Variants in RASSF5 observed in about 807,000 individuals in gnomAD.
The protein encoded by RASSF5 is ras association domain-containing protein 5.
Under a neutral mutation model 40.5 loss-of-function variants are expected in RASSF5, and 25 were observed. That is an observed-to-expected ratio of 0.62 (90% CI 0.45 to 0.86). RASSF5 has a LOEUF of 0.86. RASSF5 is among the 40% of genes least tolerant of loss of function. The pLI, the probability that RASSF5 is intolerant of heterozygous loss-of-function variation, is 0.00. For missense variants in RASSF5, 521 were observed against 572.8 expected, an observed-to-expected ratio of 0.91 and a Z score of 0.92; for synonymous variants, 246 against 252.4, an observed-to-expected ratio of 0.97 and a Z score of 0.24.
At chr1:206,567,675 A>G (rs777931752) in intron 2 of RASSF5, among the ~76,000 whole-genome samples, 4 of 152,106 alleles carry the variant, frequency 2.6e-5, no homozygotes, top group African/African-American at 9.7e-5. Flanking sequence ...TGAGAAACAC[A>G]GTTGCCAGAG....
chr1:206,552,989 G>T lies in RASSF5; in HGVS notation c.579+14696G>T, dbSNP rs1173826942. Among the ~76,000 whole-genome samples, 1 of 152,108 alleles carries T rather than the reference G, an allele frequency of 6.6e-6. No homozygotes were observed. The highest frequency in any genetic ancestry group is 1.5e-5 in the Non-Finnish European group (1 of 68,012). On this transcript the variant is annotated intron_variant, in intron 2 of 5. Transcript: ENST00000579436. This position sits in a 1 kb window ranked among gnomAD's most constrained non-coding sequence, Gnocchi z 4.1. The stretch of plus-strand genomic sequence containing the variant: ...GAGGCCGAGGCAGGCAGATCACGAG[G>T]TCAGGAGATCGAGACCATCCTGGAT...
rs1275467654 is a variant in RASSF5, at chr1:206,584,799, G to A, written c.988+115G>A. On this transcript the variant is annotated intron_variant, in intron 4 of 5. Coordinates refer to ENST00000579436, the MANE Select transcript of RASSF5 (RefSeq NM_182663.4). This position sits in a 1 kb window ranked among gnomAD's most constrained non-coding sequence, Gnocchi z 4.9. ...GCTGTGGGCTTCTCCTGAGCACCAG[G>A]GGTCCAGCTGCCCATGTGGTGTTCA... 2.3e-5 allele frequency: 25 copies of A among 1,095,136 alleles called. No individual in the cohort carries two copies. The highest frequency in any genetic ancestry group is 3.3e-5 in the Non-Finnish European group (25 of 753,690). 67.8% of individuals were successfully genotyped at this position (1,095,136 alleles called of 1,614,324 possible).
Position 206,584,235 on chromosome 1 carries a change from C to A in RASSF5, c.691-152C>A. On this transcript the variant is annotated intron_variant, in intron 3 of 5. Coordinates refer to ENST00000579436, the MANE Select transcript of RASSF5 (RefSeq NM_182663.4). This position sits in a 1 kb window ranked among gnomAD's most constrained non-coding sequence, Gnocchi z 4.9. The stretch of plus-strand genomic sequence containing the variant: ...CCCAGCCCACTATGGGGAAAGGGAT[C>A]TCTGCTCCTTCCTCCAGCTCTCCCA... 1.4e-6 allele frequency: 1 copy of A among 731,278 alleles called. No individual in the cohort carries two copies. Among genetic ancestry groups the A allele is most frequent in the Non-Finnish European group, 2.2e-6 (1 of 452,290 alleles). The allele number at this position is 731,278 out of a possible 1,614,324, so 45.3% of individuals were successfully genotyped here.
chr1:206,515,324 G>A (rs1018200423), intron 1 of RASSF5, among the ~76,000 whole-genome samples: 3 of 152,186 alleles, frequency 2.0e-5, no homozygotes, highest in Non-Finnish European at 1.5e-5. Context: ...CAAATCATGA[G>A]ATCTTTAGAA....
intron 2 of RASSF5, among the ~76,000 whole-genome samples, chr1:206,574,891 G>A (rs946796576): frequency 7.8e-5 from 10 of 128,516 alleles, no homozygotes; most frequent in South Asian, 4.9e-4. Flanking sequence ...ATGGAGTCTC[G>A]CTCTGTCATC....
At chr1:206,580,285 G>C (rs1668818641) in intron 2 of RASSF5, among the ~76,000 whole-genome samples, 1 of 152,234 alleles carries the variant, frequency 6.6e-6, no homozygotes, top group Non-Finnish European at 1.5e-5. Flanking sequence ...TTCTTACGGG[G>C]AAATGGCTCT....
intron 2 of RASSF5, among the ~76,000 whole-genome samples, chr1:206,581,902 C>T (rs1256042736): frequency 2.6e-5 from 4 of 152,004 alleles, no homozygotes; most frequent in African/African-American, 4.8e-5. Flanking sequence ...TGTTGTGTTC[C>T]GCGGGGTGGT....
intron 2 of RASSF5, chr1:206,557,730 G>A: frequency 6.2e-7 from 1 of 1,606,352 alleles, no homozygotes; most frequent in South Asian, 1.1e-5. Flanking sequence ...CCTTTCGTGG[G>A]GGGAAATAAC....
At chr1:206,572,216 G>A (rs1411717374) in intron 2 of RASSF5, among the ~76,000 whole-genome samples, 23 of 152,120 alleles carry the variant, frequency 1.5e-4, no homozygotes, top group African/African-American at 9.7e-5. Context: ...TTTCTTCAAC[G>A]CATGAAGCCA....
At chr1:206,585,511 G>T in intron 5 of RASSF5, 1 of 418,186 alleles carries the variant, frequency 2.4e-6, no homozygotes, top group Admixed American at 3.8e-5. Context: ...GCCTGTGTGT[G>T]GCAAGGCCTG....
intron 1 of RASSF5, among the ~76,000 whole-genome samples, chr1:206,523,559 C>G (rs1432230785): frequency 3.1e-5 from 3 of 96,770 alleles, no homozygotes. Context: ...TATATACACT[C>G]TAGCCTGGGT....
chr1:206,556,121 G>A (rs1021621052), intron 2 of RASSF5, among the ~76,000 whole-genome samples: 5 of 152,244 alleles, frequency 3.3e-5, no homozygotes, highest in Non-Finnish European at 5.9e-5. Flanking sequence ...TCTGAAGGCA[G>A]TTTCCCTGCC....
chr1:206,538,230 G>T lies in RASSF5; in HGVS notation c.516G>T (p.Gln172His), dbSNP rs1553398926. Residue 172 changes from glutamine (Q) to histidine (H), a missense_variant, in exon 2 of 6, where the codon CAG becomes CAT. Coordinates refer to ENST00000579436, the MANE Select transcript of RASSF5 (RefSeq NM_182663.4). ...CRSLIQLDCS[Q>H]QEGLSRDRPS... The stretch of plus-strand genomic sequence containing the variant: ...GCCTGATCCAGTTGGACTGCAGTCA[G>T]CAGGAGGGTTTATCCCGGGACAGAC... 1 of 1,614,202 alleles carries T rather than the reference G, an allele frequency of 6.2e-7. No homozygotes were observed. The highest frequency in any genetic ancestry group is 1.3e-5 in the African/African-American group (1 of 75,054).
At chr1:206,542,188 C>G (rs1174081254) in intron 2 of RASSF5, 1 of 152,114 alleles carries the variant, frequency 6.6e-6, no homozygotes, top group African/African-American at 2.4e-5. Context: ...GATGTGTGTC[C>G]CCTCCAAATC....
At chr1:206,553,906 T>C (rs562752444) in intron 2 of RASSF5, among the ~76,000 whole-genome samples, 31 of 152,346 alleles carry the variant, frequency 2.0e-4, no homozygotes, top group African/African-American at 6.7e-4. Context: ...CCCAGCGGAA[T>C]TGATATCTGG....
chr1:206,545,306 C>A (rs1667652488), intron 2 of RASSF5, among the ~76,000 whole-genome samples: 1 of 149,958 alleles, frequency 6.7e-6, no homozygotes, highest in Non-Finnish European at 1.5e-5. Context: ...TATTTTGAAG[C>A]TCCATTATTA....
Position 206,569,902 on chromosome 1 carries a change from G to A in RASSF5, c.580-13367G>A, listed in dbSNP as rs73080955. Among the ~76,000 whole-genome samples, 862 of 152,212 alleles carry A rather than the reference G, an allele frequency of 5.7e-3. 11 individuals carry two copies. The highest frequency in any genetic ancestry group is 0.019 in the African/African-American group (796 of 41,508). On this transcript the variant is annotated intron_variant, in intron 2 of 5. Transcript: ENST00000579436. ...AGAGCCTGGTCTTGGAGGGCTTGGC[G>A]TGATGGAGGCCCAGTTGCTTAGATG...
At chr1:206,557,196 C>CGGGAGGCGG in intron 2 of RASSF5, 1 of 1,036,854 alleles carries the variant, frequency 9.6e-7, no homozygotes, top group Non-Finnish European at 1.2e-6. Context: ...AGGAAAGGCG[C>CGGGAGGCGG]GGGAGGCGGG....
chr1:206,549,681 G>GT (rs1558509002), intron 2 of RASSF5, among the ~76,000 whole-genome samples: 1 of 152,112 alleles, frequency 6.6e-6, no homozygotes, highest in African/African-American at 2.4e-5. Context: ...CCTTTTTAAG[G>GT]TTTTAAGAGC....
Sources: allele counts gnomAD v4.1 joint callset (sites outside exome capture counted in the v4.1 genomes callset), GRCh38; gene constraint gnomAD v4.1.1; non-coding constraint Gnocchi (gnomAD v3.1); transcripts MANE v1.5; gene names NCBI Gene and HGNC (gene_info 2026-07-23, HGNC 2026-07-21).